SLC25A12: variants seen among roughly 807,000 people sequenced by gnomAD.
SLC25A12 encodes solute carrier family 25 member 12.
In SLC25A12, 32 loss-of-function variants were observed where a neutral mutation model predicts 83.3. The ratio of observed to expected loss-of-function variants is 0.38; its 90% CI spans 0.29 to 0.52. The LOEUF (loss-of-function observed/expected upper bound fraction) is 0.52, where lower values mean the gene tolerates loss of function less well. Ranked by LOEUF, SLC25A12 falls within the 20% of genes least tolerant of loss-of-function variation. The pLI, the probability that SLC25A12 is intolerant of heterozygous loss-of-function variation, is 0.84. For synonymous variants in SLC25A12, 267 were observed against 291.1 expected, an observed-to-expected ratio of 0.92 and a Z score of 0.84; for missense variants, 611 against 835.6, an observed-to-expected ratio of 0.73 and a Z score of 3.31.
intron 3 of SLC25A12, among the ~76,000 whole-genome samples, chr2:171,863,087 G>C (rs1206374746): frequency 1.3e-5 from 2 of 152,086 alleles, no homozygotes; most frequent in African/African-American, 2.4e-5. Flanking sequence ...TAATTGTGTA[G>C]AGATGGGGTT....
rs1021621783 is a variant in SLC25A12 at position 171,864,252 on chromosome 2, T to C, written c.209+4429A>G. ...CAGGTAGGAGAAAGAGCCTAGGCCCTGGAGGCTTGGAGATGTAGACTGAAA... is the reference window on the plus strand; with the variant it reads ...CAGGTAGGAGAAAGAGCCTAGGCCCCGGAGGCTTGGAGATGTAGACTGAAA... On this transcript the variant is annotated intron_variant, in intron 3 of 17. Transcript: ENST00000422440. 4.6e-5 allele frequency among the ~76,000 whole-genome samples: 7 copies of C among 152,238 alleles called. No homozygotes were observed. The East Asian group carries it at 9.6e-4, about 21-fold the overall frequency.
chr2:171,869,715 C>T (rs1245591835), intron 2 of SLC25A12, among the ~76,000 whole-genome samples: 1 of 152,182 alleles, frequency 6.6e-6, no homozygotes, highest in East Asian at 1.9e-4. Context: ...AAGCCCTTCT[C>T]CTTGAGTTGC....
At chr2:171,883,988 G>A (rs1265625942) in intron 2 of SLC25A12, among the ~76,000 whole-genome samples, 1 of 151,352 alleles carries the variant, frequency 6.6e-6, no homozygotes, top group East Asian at 1.9e-4. Flanking sequence ...AGCCTTCCTA[G>A]TAGCTAGGAC....
chr2:171,810,333 GC>G, intron 11 of SLC25A12, 57 bp from the exon 12 acceptor site: 1 of 1,355,094 alleles, frequency 7.4e-7, no homozygotes, highest in Non-Finnish European at 1.1e-6. Flanking sequence ...GAATACACAA[GC>G]CCAGCAACAA....
chr2:171,796,644 A>T (rs544658524), intron 13 of SLC25A12, among the ~76,000 whole-genome samples: 97 of 147,304 alleles, frequency 6.6e-4, no homozygotes, highest in African/African-American at 2.3e-3. Context: ...ATCTCTTAAA[A>T]TTTTTTTTTT....
chr2:171,811,852 C>T (rs112756334), intron 11 of SLC25A12, among the ~76,000 whole-genome samples: 17 of 152,268 alleles, frequency 1.1e-4, no homozygotes, highest in African/African-American at 3.4e-4. Flanking sequence ...TAATAGGGGA[C>T]ATTTTCTTTG....
chr2:171,795,193 G>A (rs558546589), intron 13 of SLC25A12, among the ~76,000 whole-genome samples: 8 of 152,098 alleles, frequency 5.3e-5, no homozygotes, highest in Non-Finnish European at 1.2e-4. Flanking sequence ...GCAGGGAGGT[G>A]CAGCAATTTG....
In SLC25A12 at chr2:171,877,704, T is replaced by C. The variant is rs188211582; in HGVS notation, c.67-8881A>G. Among the ~76,000 whole-genome samples, 178 of 148,992 alleles carry C rather than the reference T, an allele frequency of 1.2e-3. 2 individuals are homozygous for C. The highest frequency in any genetic ancestry group is 3.6e-3 in the South Asian group (17 of 4,740). On this transcript the variant is annotated intron_variant, in intron 2 of 17. Coordinates refer to ENST00000422440, the MANE Select transcript of SLC25A12 (RefSeq NM_003705.5). ...AAAAAAAAAAAGGATGTATGCAACCTATATTATTATATTAACTACACATTA... is the reference window on the plus strand; with the variant it reads ...AAAAAAAAAAAGGATGTATGCAACCCATATTATTATATTAACTACACATTA...
At chr2:171,797,023 T>A (rs1037467345) in intron 13 of SLC25A12, among the ~76,000 whole-genome samples, 1 of 152,230 alleles carries the variant, frequency 6.6e-6, no homozygotes, top group Non-Finnish European at 1.5e-5. Context: ...GTGTTTCCTC[T>A]CTGCGAAACA....
chr2:171,809,702 A>C lies in SLC25A12; in HGVS notation c.1225-16T>G. 5.7e-6 allele frequency: 9 copies of C among 1,585,326 alleles called. No homozygotes were observed. Among genetic ancestry groups the C allele is most frequent in the Non-Finnish European group, 7.8e-6 (9 of 1,153,810 alleles). ...AATCATTAACCTAATTAGAAAGACA[A>C]CATCAGTTAACCAAAATTCCCAACC... On this transcript the variant is annotated splice_polypyrimidine_tract_variant and intron_variant, in intron 12 of 17. Transcript: ENST00000422440.
In SLC25A12 at chr2:171,783,651, T is replaced by C. The variant is rs1690436164; in HGVS notation, c.*1623A>G. On this transcript the variant is annotated 3_prime_UTR_variant, in exon 18 of 18. Coordinates refer to ENST00000422440, the MANE Select transcript of SLC25A12 (RefSeq NM_003705.5). ...GGAGGGTAAGCGGGACACTTTCCCA[T>C]CTCACTCTAGATACATACATAGGAT... Among the ~76,000 whole-genome samples, 1 of 152,206 alleles carries C rather than the reference T, an allele frequency of 6.6e-6. No homozygotes were observed. The highest frequency in any genetic ancestry group is 2.1e-4 in the South Asian group (1 of 4,830).
rs529591541 is a variant in SLC25A12, at chr2:171,878,407, G to C, written c.67-9584C>G. On this transcript the variant is annotated intron_variant, in intron 2 of 17. Transcript: ENST00000422440. ...TAACTTGAAATAGTTACTGTAAAAT[G>C]CTTAGAAACAGAAAAGCATAGGATC... Among the ~76,000 whole-genome samples, 5 of 152,202 alleles carry C rather than the reference G, an allele frequency of 3.3e-5. No homozygotes were observed. The South Asian group carries it at 1.0e-3, about 32-fold the overall frequency.
intron 9 of SLC25A12, among the ~76,000 whole-genome samples, chr2:171,817,605 A>G (rs1684081620): frequency 1.3e-5 from 2 of 150,600 alleles, no homozygotes; most frequent in Admixed American, 1.3e-4. Flanking sequence ...TGCCTCAAAA[A>G]AAAAAAAAAA....
rs184262988 is a variant in SLC25A12 at position 171,884,230 on chromosome 2, G to A, written c.66+8975C>T. 3.6e-5 allele frequency among the ~76,000 whole-genome samples: 5 copies of A among 139,850 alleles called. No homozygotes were observed. In the East Asian group the frequency reaches 6.4e-4, roughly 18 times the overall value. The allele number at this position is 139,850 out of a possible 152,430, so 91.7% of individuals were successfully genotyped here. On this transcript the variant is annotated intron_variant, in intron 2 of 17. Transcript: ENST00000422440. ...CCCCGAGACTGAGTCTTCCTCTGTC[G>A]CCCAGGCTGGAGTGCAATGACACGA...
At chr2:171,806,311 C>T (rs959734431) in intron 13 of SLC25A12, among the ~76,000 whole-genome samples, 3 of 152,006 alleles carry the variant, frequency 2.0e-5, no homozygotes, top group South Asian at 2.1e-4. Context: ...CAAAATTAGC[C>T]GGGTGCAGTG....
At chr2:171,832,474 G>C (rs1684462183) in intron 8 of SLC25A12, among the ~76,000 whole-genome samples, 1 of 152,130 alleles carries the variant, frequency 6.6e-6, no homozygotes. Flanking sequence ...TCTCCTGTGT[G>C]GAACTAGTTG....
intron 3 of SLC25A12, among the ~76,000 whole-genome samples, chr2:171,858,695 T>G (rs1444147849): frequency 6.6e-6 from 1 of 152,240 alleles, no homozygotes; most frequent in Non-Finnish European, 1.5e-5. Context: ...CTGGTTTATT[T>G]TGATAAACTG....
intron 9 of SLC25A12, among the ~76,000 whole-genome samples, chr2:171,816,578 A>C (rs1684054683): frequency 1.3e-5 from 2 of 151,856 alleles, no homozygotes; most frequent in African/African-American, 4.8e-5. Context: ...TTATTGTTGT[A>C]GTGTTATTTT....
chr2:171,816,926 GTA>G (rs902844045), intron 9 of SLC25A12, among the ~76,000 whole-genome samples: 1 of 152,176 alleles, frequency 6.6e-6, no homozygotes, highest in African/African-American at 2.4e-5. Flanking sequence ...CAATGTGATT[GTA>G]TGTGATGTGA....
Sources: allele counts gnomAD v4.1 joint callset (sites outside exome capture counted in the v4.1 genomes callset), GRCh38; gene constraint gnomAD v4.1.1; transcripts MANE v1.5; gene names NCBI Gene and HGNC (gene_info 2026-07-23, HGNC 2026-07-21).